Variants in BCORL1 observed in about 807,000 individuals in gnomAD.
The protein encoded by BCORL1 is BCL-6 corepressor-like protein 1.
In BCORL1, 7 loss-of-function variants were observed where a neutral mutation model predicts 87.6. That is an observed-to-expected ratio of 0.08 (90% CI 0.05 to 0.15). BCORL1 has a LOEUF of 0.15. Ranked by LOEUF, BCORL1 falls within the 10% of genes least tolerant of loss-of-function variation. BCORL1 has a pLI of 1.00. For synonymous variants in BCORL1, 591 were observed against 634.4 expected (o/e 0.93, Z 1.03); for missense variants, 1,215 against 1,499.7 (o/e 0.81, Z 3.13).
In BCORL1 at chrX:130,043,784, ATTTTTT is replaced by A. The variant is rs1163098654; in HGVS notation, c.4840+4518_4840+4523del. 1.9e-3 allele frequency among the ~76,000 whole-genome samples: 30 copies of A among 15,967 alleles called. 1 individual carries two copies. The highest frequency in any genetic ancestry group is 0.011 in the African/African-American group (24 of 2,112). The allele number at this position is 15,967 out of a possible 115,157, so 13.9% of individuals were successfully genotyped here. A position where few individuals can be genotyped will look rare whatever the true frequency, so the allele number is the denominator to read the frequency against. On this transcript the variant is annotated intron_variant, in intron 11 of 13. Coordinates refer to ENST00000540052, the MANE Select transcript of BCORL1 (RefSeq NM_001379451.1). ...TATATATATATATATATATATATAT[ATTTTTT>A]TTTTTTTTTTTTTTTGAGACGGAGG...
rs7062200 is a variant in BCORL1 at position 130,016,168 on chromosome X, C to G, written c.3396C>G (p.Leu1132=). The change falls in exon 4 of 14, where the codon CTC becomes CTG. Residue 1132 remains leucine (L), a synonymous_variant. Transcript: ENST00000540052. ...GKEKDSEEQQ[L]QPQAKAVVRS... ...AGAAGGACAGTGAAGAGCAGCAGCT[C>G]CAGCCACAAGCCAAGGCCGTGGTCC... is the stretch of plus-strand genomic sequence containing the variant. The G allele has an allele frequency of 0.018, 21,756 of 1,207,047 alleles. 2,317 individuals carry two copies. In the African/African-American group the frequency reaches 0.33, roughly 18 times the overall value.
chrX:130,050,427 G>A (rs1325010221), intron 11 of BCORL1, among the ~76,000 whole-genome samples: 2 of 109,475 alleles, frequency 1.8e-5, no homozygotes, highest in Non-Finnish European at 3.8e-5. Flanking sequence ...GCAAGACCCT[G>A]ACTCTTAAAA....
intron 8 of BCORL1, among the ~76,000 whole-genome samples, chrX:130,029,639 A>ATTTTTTT (rs377306965): frequency 2.0e-5 from 2 of 100,377 alleles, no homozygotes; most frequent in Non-Finnish European, 4.1e-5. Flanking sequence ...CGTGATTCTT[A>ATTTTTTT]TTTTTTTTTT....
At chrX:130,042,355 A>G (rs1931385266) in intron 11 of BCORL1, among the ~76,000 whole-genome samples, 1 of 112,057 alleles carries the variant, frequency 8.9e-6, no homozygotes, top group Non-Finnish European at 1.9e-5. Flanking sequence ...TTGGCCTCCC[A>G]AAGTGCTGGA....
In BCORL1 at chrX:130,021,160, G is replaced by T. The variant is rs374351637; in HGVS notation, c.3607+10G>T. 24 of 1,196,584 alleles carry T rather than the reference G, an allele frequency of 2.0e-5. No individual in the cohort carries two copies. The highest frequency in any genetic ancestry group is 4.9e-4 in the Middle Eastern group (2 of 4,041). On this transcript the variant is annotated intron_variant, in intron 5 of 13. Transcript: ENST00000540052. ...GACAGCCACGAGGAAGGTAGGCCCC[G>T]CGGCCCTGGCCCTCTGGGCTGGGCT...
At chrX:130,020,091 GC>G (rs1569373204) in intron 4 of BCORL1, among the ~76,000 whole-genome samples, 1 of 112,237 alleles carries the variant, frequency 8.9e-6, no homozygotes, top group Non-Finnish European at 1.9e-5. Context: ...AGAGGCCCGG[GC>G]TGGGGGCCAG....
At chrX:129,995,223 C>T (rs1295219854) in intron 1 of BCORL1, among the ~76,000 whole-genome samples, 1 of 109,978 alleles carries the variant, frequency 9.1e-6, no homozygotes, top group African/African-American at 3.3e-5. Flanking sequence ...CCAGGATGGT[C>T]TCGAACTCCT....
chrX:130,050,529 C>A (rs1249662292), intron 11 of BCORL1, among the ~76,000 whole-genome samples, 188 bp from the exon 12 acceptor site: 5 of 110,763 alleles, frequency 4.5e-5, no homozygotes, highest in Non-Finnish European at 9.5e-5. Context: ...TTAGATTGGT[C>A]TCCTGTCCCC....
chrX:130,012,920 T>C, intron 3 of BCORL1, 30 bp from the exon 4 acceptor site: 1 of 1,172,897 alleles, frequency 8.5e-7, no homozygotes, highest in Non-Finnish European at 1.1e-6. Flanking sequence ...GGGAGCTGGC[T>C]GAGATGTGCA....
chrX:130,020,952 T>C lies in BCORL1; in HGVS notation c.3442-33T>C, dbSNP rs770946761. ...GGAGAGCTTTCTTAAGAAGCAAAAC[T>C]GACCTCAGACCTGACCCTCTACCTC... is the stretch of plus-strand genomic sequence containing the variant. On this transcript the variant is annotated intron_variant, in intron 4 of 13. Transcript: ENST00000540052. 3 of 1,122,217 alleles carry C rather than the reference T, an allele frequency of 2.7e-6. No homozygotes were observed. In the Admixed American group the frequency reaches 1.1e-4, roughly 41 times the overall value. 92.5% of individuals were successfully genotyped at this position (1,122,217 alleles called of 1,213,427 possible). A position where few individuals can be genotyped will look rare whatever the true frequency, so the allele number is the denominator to read the frequency against.
chrX:130,030,322 G>A (rs1930511534), intron 8 of BCORL1, among the ~76,000 whole-genome samples: 1 of 111,767 alleles, frequency 8.9e-6, no homozygotes, highest in Non-Finnish European at 1.9e-5. Context: ...GAGGACAGGG[G>A]CCCAGGGAAA....
chrX:130,000,145 A>G (rs1429172023), intron 1 of BCORL1, among the ~76,000 whole-genome samples: 2 of 111,238 alleles, frequency 1.8e-5, no homozygotes, highest in African/African-American at 6.5e-5. Context: ...TCCTAGGCTC[A>G]GGTGATCCTC....
At chrX:130,036,622 C>T (rs962168415) in intron 9 of BCORL1, among the ~76,000 whole-genome samples, 19 of 112,444 alleles carry the variant, frequency 1.7e-4, no homozygotes, top group African/African-American at 6.1e-4. Context: ...GAACATTGGT[C>T]CTGCCGAGAC....
In BCORL1 at chrX:130,012,940, G is replaced by A. The variant is rs1929078501; in HGVS notation, c.178-10G>A. On this transcript the variant is annotated splice_polypyrimidine_tract_variant and intron_variant, in intron 3 of 13. Transcript: ENST00000540052. ...CTGGCTGAGATGTGCATGCTATCCT[G>A]TCGTTGCAGGTGGAGCTCACGGCAG... is the stretch of plus-strand genomic sequence containing the variant. 8.4e-7 allele frequency: 1 copy of A among 1,185,562 alleles called. No individual in the cohort carries two copies. The highest frequency in any genetic ancestry group is 1.1e-6 in the Non-Finnish European group (1 of 879,243).
At position 130,037,354 on chromosome X, in the gene BCORL1, C is replaced by T. The variant is rs1931019231; in HGVS notation, c.4528-13C>T. The T allele has an allele frequency of 8.3e-7, 1 of 1,207,207 alleles. No individual in the cohort carries two copies. Among genetic ancestry groups the T allele is most frequent in the African/African-American group, 1.8e-5 (1 of 56,997 alleles). On this transcript the variant is annotated splice_polypyrimidine_tract_variant and intron_variant, in intron 9 of 13. Transcript: ENST00000540052. ...ACCTCTCTTTGCTCATGGAGTTGTC[C>T]CTGTCCCCACAGGATGTTGTTCTCT...
chrX:130,035,878 A>G (rs1930909610), intron 9 of BCORL1, among the ~76,000 whole-genome samples: 1 of 112,447 alleles, frequency 8.9e-6, no homozygotes, highest in Admixed American at 9.4e-5. Flanking sequence ...TGCACTGGTG[A>G]GGAGGGTGGG....
Position 130,051,135 on chromosome X carries a change from A to G in BCORL1, c.4918+341A>G, listed in dbSNP as rs769058323. Among the ~76,000 whole-genome samples the G allele has an allele frequency of 8.0e-5, 9 of 111,948 alleles. No individual in the cohort carries two copies. In the South Asian group the frequency reaches 3.3e-3, roughly 42 times the overall value. Reference sequence around the variant, plus strand: ...CCTATTCCAGTATTGCTCACACTCAAGAGGGACCCCACCCCTCACCTGAGA... The same window carrying G: ...CCTATTCCAGTATTGCTCACACTCAGGAGGGACCCCACCCCTCACCTGAGA... On this transcript the variant is annotated intron_variant, in intron 12 of 13. Coordinates refer to ENST00000540052, the MANE Select transcript of BCORL1 (RefSeq NM_001379451.1).
intron 1 of BCORL1, among the ~76,000 whole-genome samples, chrX:129,985,734 C>T (rs929459999): frequency 6.3e-5 from 7 of 111,476 alleles, no homozygotes; most frequent in Non-Finnish European, 9.4e-5. Context: ...AGGCAACTGC[C>T]CTTGGGGCAG....
intron 1 of BCORL1, among the ~76,000 whole-genome samples, chrX:129,988,422 AG>A (rs765820306): frequency 2.3e-4 from 26 of 110,831 alleles, no homozygotes; most frequent in African/African-American, 8.5e-4. Context: ...TCTAAGCAGA[AG>A]TGACCTTTTC....
Sources: gnomAD v4.1 joint callset for allele counts (sites outside exome capture counted in the v4.1 genomes callset) on GRCh38, gnomAD v4.1.1 for gene constraint, MANE v1.5 for transcripts, NCBI Gene and HGNC (gene_info 2026-07-23, HGNC 2026-07-21) for gene names.